The following PHACTR2 variants were observed in gnomAD, a reference collection of about 807,000 sequenced individuals.
PHACTR2 encodes the protein phosphatase and actin regulator 2, also known as chromosome 6 open reading frame 56.
In PHACTR2, 30 loss-of-function variants were observed where a neutral mutation model predicts 76.0. That is an observed-to-expected ratio of 0.39 (90% CI 0.30 to 0.54). The LOEUF is 0.54. Ranked by LOEUF, PHACTR2 falls within the 20% of genes least tolerant of loss-of-function variation. The probability of loss-of-function intolerance (pLI) is 0.61; values close to 1 mark genes in which losing one functional copy is unlikely to be tolerated. For synonymous variants in PHACTR2, 292 were observed against 292.5 expected, an observed-to-expected ratio of 1.00 and a Z score of 0.02; for missense variants, 696 against 781.1, an observed-to-expected ratio of 0.89 and a Z score of 1.30.
intron 1 of PHACTR2, among the ~76,000 whole-genome samples, chr6:143,632,292 A>AT (rs1776375692): frequency 6.6e-6 from 1 of 152,188 alleles, no homozygotes; most frequent in Non-Finnish European, 1.5e-5. Flanking sequence ...GAATAAGAAT[A>AT]TTTTTAATAT....
chr6:143,546,560 G>A lies in PHACTR2; in HGVS notation c.217+9353G>A, dbSNP rs983446018. Among the ~76,000 whole-genome samples the A allele has an allele frequency of 6.6e-6, 1 of 152,092 alleles. No homozygotes were observed. Among genetic ancestry groups the A allele is most frequent in the African/African-American group, 2.4e-5 (1 of 41,410 alleles). On this transcript the variant is annotated intron_variant, in intron 1 of 11. Transcript: ENST00000367584. This position sits in a 1 kb window ranked among gnomAD's most constrained non-coding sequence, Gnocchi z 4.9. ...TATGTATATTTTCACCTACCTGAAT[G>A]TTTGGCATATCTTCTTTGGAGGTAT...
rs138761887 is a variant in PHACTR2 at position 143,621,093 on chromosome 6, G to A, written c.13+12771G>A. On this transcript the variant is annotated intron_variant, in intron 1 of 11. Coordinates refer to the PHACTR2 transcript ENST00000305766. This position sits in a 1 kb window ranked among gnomAD's most constrained non-coding sequence, Gnocchi z 4.1. Reference sequence around the variant, plus strand: ...GCAAACCTCCAGGAAAAGAACAAGAGCAGGATCATTAAAGAAGCCTTAGCA... The same window carrying A: ...GCAAACCTCCAGGAAAAGAACAAGAACAGGATCATTAAAGAAGCCTTAGCA... Among the ~76,000 whole-genome samples, 39 of 152,326 alleles carry A rather than the reference G, an allele frequency of 2.6e-4. No individual in the cohort carries two copies. The highest frequency in any genetic ancestry group is 4.7e-4 in the Non-Finnish European group (32 of 68,026).
chr6:143,750,037 A>AT lies in PHACTR2; in HGVS notation c.295+978dup, dbSNP rs1779151116. Among the ~76,000 whole-genome samples, 1 of 152,158 alleles carries AT rather than the reference A, an allele frequency of 6.6e-6. No homozygotes were observed. Among genetic ancestry groups the AT allele is most frequent in the South Asian group, 2.1e-4 (1 of 4,828 alleles). ...ATATGTTCCTTGCAAAGGACTTAAC[A>AT]TTTTTTGGCATTCACTATTTGTAAA... On this transcript the variant is annotated intron_variant, in intron 3 of 12. Transcript: ENST00000440869. This position sits in a 1 kb window ranked among gnomAD's most constrained non-coding sequence, Gnocchi z 4.6.
chr6:143,765,407 A>T lies in PHACTR2; in HGVS notation c.841A>T (p.Thr281Ser). 1 of 1,614,208 alleles carries T rather than the reference A, an allele frequency of 6.2e-7. No homozygotes were observed. Among genetic ancestry groups the T allele is most frequent in the Non-Finnish European group, 8.5e-7 (1 of 1,180,028 alleles). ...TVGTTKGKRKTDKQPITSHLS... is the reference protein window; with the variant it reads ...TVGTTKGKRKSDKQPITSHLS... ...GGGGACCACCAAGGGCAAGAGAAAA[A>T]CTGACAAGCAGCCAATAACTTCTCA... Residue 281 changes from threonine to serine, a missense_variant, in exon 6 of 13, where the codon ACT becomes TCT. Physicochemically the swap from Thr to Ser is moderately conservative, Grantham distance 58. Around this residue, in one of 2 missense-constraint regions of PHACTR2, gnomAD observed 460 missense variants for 450.9 expected, o/e 1.02. Coordinates refer to ENST00000440869, the MANE Select transcript of PHACTR2 (RefSeq NM_001100164.2). This position sits in a 1 kb window ranked among gnomAD's most constrained non-coding sequence, Gnocchi z 4.1.
chr6:143,717,513 T>A (rs982671059), intron 2 of PHACTR2, among the ~76,000 whole-genome samples: 4 of 152,144 alleles, frequency 2.6e-5, no homozygotes, highest in African/African-American at 9.7e-5. Flanking sequence ...TGCCTTGAAT[T>A]GCTTCTTTAT....
intron 12 of PHACTR2, among the ~76,000 whole-genome samples, chr6:143,808,220 C>G (rs1776105480): frequency 6.6e-6 from 1 of 151,836 alleles, no homozygotes. Flanking sequence ...ACCTCCACCT[C>G]CCGGGTTCAA....
At chr6:143,746,614 C>A (rs1290844255) in intron 2 of PHACTR2, among the ~76,000 whole-genome samples, 1 of 152,046 alleles carries the variant, frequency 6.6e-6, no homozygotes, top group Non-Finnish European at 1.5e-5. Flanking sequence ...CCCCTCAGAG[C>A]CCAGTCAAGC....
upstream of PHACTR2, among the ~76,000 whole-genome samples, chr6:143,603,269 A>G (rs1775833451): frequency 6.6e-6 from 1 of 152,154 alleles, no homozygotes; most frequent in South Asian, 2.1e-4. Context: ...CAAGCACGGT[A>G]AGGCAGGTTT....
chr6:143,597,145 A>C lies in PHACTR2; in HGVS notation c.217+59938A>C, dbSNP rs529236436. Among the ~76,000 whole-genome samples, 2 of 152,212 alleles carry C rather than the reference A, an allele frequency of 1.3e-5. No homozygotes were observed. The highest frequency in any genetic ancestry group is 4.8e-5 in the African/African-American group (2 of 41,452). ...CACGCTCCACACTGTGGAAGAACAC[A>C]TTCTCTTGGGAAAACCCATTGTAGG... is the stretch of plus-strand genomic sequence containing the variant. On this transcript the variant is annotated intron_variant, in intron 1 of 11. Coordinates refer to the PHACTR2 transcript ENST00000367584. The surrounding 1 kb of genome is among the most constrained non-coding windows in gnomAD (Gnocchi z 5.7).
chr6:143,768,559 A>G (rs1453344013), intron 6 of PHACTR2, among the ~76,000 whole-genome samples: 3 of 152,338 alleles, frequency 2.0e-5, no homozygotes, highest in South Asian at 4.1e-4. Flanking sequence ...CTCATATCCA[A>G]AGGTGGCCTG....
intron 1 of PHACTR2, among the ~76,000 whole-genome samples, chr6:143,566,137 A>G (rs1380732429): frequency 6.6e-6 from 1 of 151,004 alleles, no homozygotes; most frequent in Non-Finnish European, 1.5e-5. Context: ...TAATTTTTCT[A>G]TTTTTTTGTA....
chr6:143,603,145 C>CAAAAA (rs751947717), intron 1 of PHACTR2, among the ~76,000 whole-genome samples: 6 of 78,746 alleles, frequency 7.6e-5, no homozygotes, highest in Admixed American at 1.5e-4. Flanking sequence ...GACTCTGTCT[C>CAAAAA]AAAAAAAAAA....
rs1778763027 is a variant in PHACTR2, at chr6:143,733,974, T to C, written c.215-15011T>C. On this transcript the variant is annotated intron_variant, in intron 2 of 12. Coordinates refer to ENST00000440869, the MANE Select transcript of PHACTR2 (RefSeq NM_001100164.2). This position sits in a 1 kb window ranked among gnomAD's most constrained non-coding sequence, Gnocchi z 4.0. ...AGATTTCCTCTATGTGCTCTAAATA[T>C]AAAGGAGACTAATTATTTCTCCCCT... Among the ~76,000 whole-genome samples, 1 of 152,240 alleles carries C rather than the reference T, an allele frequency of 6.6e-6. No individual in the cohort carries two copies.
chr6:143,681,462 T>TTTTA (rs569480820), intron 1 of PHACTR2, among the ~76,000 whole-genome samples: 1 of 152,202 alleles, frequency 6.6e-6, no homozygotes, highest in South Asian at 2.1e-4. Context: ...TCTGTTGGAG[T>TTTTA]TTTAGTTCTT....
At chr6:143,727,673 A>ATG (rs532872517) in intron 2 of PHACTR2, among the ~76,000 whole-genome samples, 1 of 151,676 alleles carries the variant, frequency 6.6e-6, no homozygotes, top group African/African-American at 2.4e-5. Context: ...AGTAAGATAT[A>ATG]TCATTGTGGT....
chr6:143,626,536 C>CAAAAAAAAA (rs35107482), intron 1 of PHACTR2, among the ~76,000 whole-genome samples: 6 of 122,304 alleles, frequency 4.9e-5, no homozygotes, highest in Non-Finnish European at 5.0e-5. Flanking sequence ...GACTCCGTCT[C>CAAAAAAAAA]AAAAAAAAAA....
intron 5 of PHACTR2, among the ~76,000 whole-genome samples, chr6:143,763,653 C>T (rs1347958105): frequency 6.6e-6 from 1 of 152,156 alleles, no homozygotes; most frequent in African/African-American, 2.4e-5. Flanking sequence ...CATAGGGATT[C>T]CTTTTAAGCC....
Position 143,760,734 on chromosome 6 carries a change from G to C in PHACTR2, c.694+94G>C. On this transcript the variant is annotated intron_variant, in intron 5 of 12. Coordinates refer to ENST00000440869, the MANE Select transcript of PHACTR2 (RefSeq NM_001100164.2). This position sits in a 1 kb window ranked among gnomAD's most constrained non-coding sequence, Gnocchi z 6.4. ...TTCTTCTAGGTGTGATGGGCTTTTG[G>C]TGTCTTAGGACATTACACCAGCAGG... 1 of 1,418,746 alleles carries C rather than the reference G, an allele frequency of 7.0e-7. No individual in the cohort carries two copies. The highest frequency in any genetic ancestry group is 9.5e-7 in the Non-Finnish European group (1 of 1,048,774). The allele number at this position is 1,418,746 out of a possible 1,614,324, so 87.9% of individuals were successfully genotyped here.
At chr6:143,756,075 T>C (rs2128471213) in intron 4 of PHACTR2, among the ~76,000 whole-genome samples, 1 of 152,202 alleles carries the variant, frequency 6.6e-6, no homozygotes, top group Non-Finnish European at 1.5e-5. Context: ...ATCTATTTGG[T>C]TATATTTGCC....
Sources: allele counts gnomAD v4.1 joint callset (sites outside exome capture counted in the v4.1 genomes callset), GRCh38; gene constraint gnomAD v4.1.1; regional missense constraint gnomAD v4.1.1; non-coding constraint Gnocchi (gnomAD v3.1); transcripts MANE v1.5; gene names NCBI Gene and HGNC (gene_info 2026-07-23, HGNC 2026-07-21).